ARHGAP22: variants seen among roughly 807,000 people sequenced by gnomAD.
ARHGAP22 encodes rho GTPase-activating protein 22.
ARHGAP22 carries 48 observed loss-of-function variants against 59.1 expected under a neutral mutation model. The ratio of observed to expected loss-of-function variants is 0.81; its 90% confidence interval spans 0.64 to 1.03. The LOEUF is 1.03. Among genes scored for constraint, ARHGAP22 ranks in the 50% least tolerant of loss-of-function variants. ARHGAP22 has a pLI of 0.00. For synonymous variants in ARHGAP22, 445 were observed against 416.4 expected (o/e 1.07, Z -0.84); for missense variants, 1,015 against 958.7 (o/e 1.06, Z -0.78).
intron 3 of ARHGAP22, among the ~76,000 whole-genome samples, chr10:48,513,386 T>G (rs2052986702): frequency 6.6e-6 from 1 of 152,234 alleles, no homozygotes; most frequent in Non-Finnish European, 1.5e-5. Flanking sequence ...CATCTCTGGC[T>G]GATTTTGAGT....
chr10:48,438,742 CAGTA>C, the ARHGAP22 span: 1 of 152,130 alleles, frequency 6.6e-6, no homozygotes, highest in Non-Finnish European at 1.5e-5. Context: ...GACACAATAC[CAGTA>C]AGTATGTAAA....
intron 2 of ARHGAP22, among the ~76,000 whole-genome samples, chr10:48,570,903 G>A (rs2058355668): frequency 6.6e-6 from 1 of 152,220 alleles, no homozygotes; most frequent in Non-Finnish European, 1.5e-5. Flanking sequence ...TGCCAGGGGT[G>A]CCCACAGTGG....
intron 2 of ARHGAP22, among the ~76,000 whole-genome samples, chr10:48,562,152 G>A (rs1289706846): frequency 6.6e-6 from 1 of 151,880 alleles, no homozygotes; most frequent in Non-Finnish European, 1.5e-5. Context: ...CTGGAACCCG[G>A]GAGGCAGAGG....
intron 3 of ARHGAP22, among the ~76,000 whole-genome samples, chr10:48,495,872 G>C (rs1281996298): frequency 1.3e-5 from 2 of 152,204 alleles, no homozygotes; most frequent in African/African-American, 4.8e-5. Flanking sequence ...GGCCCACGTG[G>C]TGAGAAACTG....
chr10:48,486,806 T>C (rs1319467344), intron 3 of ARHGAP22, among the ~76,000 whole-genome samples: 1 of 152,238 alleles, frequency 6.6e-6, no homozygotes, highest in African/African-American at 2.4e-5. Flanking sequence ...TTCTTTCAGC[T>C]ATTGAGTGTG....
chr10:48,595,532 A>T (rs1314227708), intron 1 of ARHGAP22, among the ~76,000 whole-genome samples: 1 of 150,966 alleles, frequency 6.6e-6, no homozygotes, highest in Non-Finnish European at 1.5e-5. Context: ...TTATTTGTTT[A>T]TTTTTTTTTG....
rs544040732 is a variant in ARHGAP22, at chr10:48,648,030, G to A, written c.52+4204C>T. Among the ~76,000 whole-genome samples the A allele has an allele frequency of 1.9e-3, 297 of 152,338 alleles. 3 individuals are homozygous for A. Among genetic ancestry groups the A allele is most frequent in the Non-Finnish European group, 1.2e-3 (79 of 68,032 alleles). ...AGCAGATCAATGGTTTCCTTAGGTTGGGGTTGGGAGGAAGGGTTAGTTGCA... is the reference window on the plus strand; with the variant it reads ...AGCAGATCAATGGTTTCCTTAGGTTAGGGTTGGGAGGAAGGGTTAGTTGCA... On this transcript the variant is annotated intron_variant, in intron 1 of 9. Transcript: ENST00000435790.
At chr10:48,643,642 T>C (rs915074886) in intron 1 of ARHGAP22, among the ~76,000 whole-genome samples, 1 of 151,390 alleles carries the variant, frequency 6.6e-6, no homozygotes, top group African/African-American at 2.4e-5. Flanking sequence ...TTAGGAGATA[T>C]ACCTAATGTA....
At position 48,577,801 on chromosome 10, in the gene ARHGAP22, G is replaced by GTTTTTTTTTTTTTTTTTTTTTTTTTTTTT. The variant is rs34557935; in HGVS notation, c.234+5151_234+5152insAAAAAAAAAAAAAAAAAAAAAAAAAAAAA. Among the ~76,000 whole-genome samples, 3 of 59,162 alleles carry GTTTTTTTTTTTTTTTTTTTTTTTTTTTTT rather than the reference G, an allele frequency of 5.1e-5. 1 individual carries two copies. The highest frequency in any genetic ancestry group is 5.8e-4 in the Admixed American group (2 of 3,442). 38.8% of individuals were successfully genotyped at this position (59,162 alleles called of 152,430 possible). ...TCTGAGATCTAACTGCTCTTTTTTG[G>GTTTTTTTTTTTTTTTTTTTTTTTTTTTTT]TTTTTTTTTTTTTTTTTTTTTTTTT... On this transcript the variant is annotated intron_variant, in intron 2 of 9. Transcript: ENST00000249601.
intron 4 of ARHGAP22, among the ~76,000 whole-genome samples, chr10:48,472,849 G>T (rs2048357855): frequency 6.6e-6 from 1 of 152,074 alleles, no homozygotes; most frequent in Non-Finnish European, 1.5e-5. Context: ...GAAAACAAGT[G>T]CTGGTGAGGA....
chr10:48,572,257 T>C (rs1005483375), intron 2 of ARHGAP22, among the ~76,000 whole-genome samples: 1 of 152,252 alleles, frequency 6.6e-6, no homozygotes, highest in Non-Finnish European at 1.5e-5. Context: ...CACAGGTTTT[T>C]CTTTTTCTCT....
chr10:48,455,917 C>A (rs1194468645), intron 5 of ARHGAP22, among the ~76,000 whole-genome samples: 2 of 152,206 alleles, frequency 1.3e-5, no homozygotes, highest in Non-Finnish European at 2.9e-5. Context: ...AAGCTCATCA[C>A]CCCCTCTCCA....
intron 7 of ARHGAP22, 28 bp from the exon 8 acceptor site, chr10:48,453,453 AAAG>A: frequency 6.2e-7 from 1 of 1,612,344 alleles, no homozygotes; most frequent in Non-Finnish European, 8.5e-7. Context: ...AGCAGTCATC[AAAG>A]AAGCAAGTTG....
At chr10:48,458,451 C>A (rs2046795980) in intron 5 of ARHGAP22, among the ~76,000 whole-genome samples, 1 of 152,106 alleles carries the variant, frequency 6.6e-6, no homozygotes, top group African/African-American at 2.4e-5. Context: ...GGAGACCCCC[C>A]CAGCAGGATG....
chr10:48,539,191 ATAT>A (rs2055666453), intron 3 of ARHGAP22, among the ~76,000 whole-genome samples: 1 of 152,128 alleles, frequency 6.6e-6, no homozygotes, highest in Admixed American at 6.5e-5. Flanking sequence ...TTCATTCCAA[ATAT>A]TATTAGAAGT....
chr10:48,455,137 G>A lies in ARHGAP22; in HGVS notation c.660-3C>T, dbSNP rs750290756. The A allele has an allele frequency of 2.5e-6, 4 of 1,605,350 alleles. No individual in the cohort carries two copies. The South Asian group carries it at 3.3e-5, about 13-fold the overall frequency. On this transcript the variant is annotated splice_region_variant and splice_polypyrimidine_tract_variant and intron_variant, in intron 5 of 9. Coordinates refer to ENST00000249601, the MANE Select transcript of ARHGAP22 (RefSeq NM_021226.4). ...CCACCGTGTGCACGTCTGTTGTGCT[G>A]TGGGGGGGAAGAGGACAGGTGTGTG...
In ARHGAP22 at chr10:48,446,908, G is replaced by A. The variant is rs1428210199; in HGVS notation, c.1869-289C>T. ...GGTCCGCATTTGCCCCTCCAGTGCA[G>A]TATGGGATCCCTGCCAGCTGGTAGG... On this transcript the variant is annotated intron_variant, in intron 9 of 9. Transcript: ENST00000249601. Among the ~76,000 whole-genome samples, 3 of 152,318 alleles carry A rather than the reference G, an allele frequency of 2.0e-5. No individual in the cohort carries two copies. In the Middle Eastern group the frequency reaches 0.01, roughly 522 times the overall value.
intron 4 of ARHGAP22, among the ~76,000 whole-genome samples, chr10:48,477,613 T>C (rs1450695858): frequency 6.6e-6 from 1 of 152,266 alleles, no homozygotes; most frequent in Non-Finnish European, 1.5e-5. Flanking sequence ...CAAGTTTCTA[T>C]AGCTTTCTAT....
Position 48,459,758 on chromosome 10 carries a change from G to T in ARHGAP22, c.585C>A (p.Arg195=), listed in dbSNP as rs1460575045. The T allele has an allele frequency of 1.2e-6, 2 of 1,613,940 alleles. No individual in the cohort carries two copies. Among genetic ancestry groups the T allele is most frequent in the African/African-American group, 2.7e-5 (2 of 74,962 alleles). Reference sequence around the variant, plus strand: ...TCACCAGGTTGGCCTGGCCTGGCATGCGGAACAGCCCCTCCTCAGTGAGCC... The same window carrying T: ...TCACCAGGTTGGCCTGGCCTGGCATTCGGAACAGCCCCTCCTCAGTGAGCC... ...ERGLTEEGLF[R]MPGQANLVRD... The change falls in exon 5 of 10, where the codon CGC becomes CGA. Residue 195 remains arginine, a synonymous_variant. Transcript: ENST00000249601.
Sources: gnomAD v4.1 joint callset for allele counts (sites outside exome capture counted in the v4.1 genomes callset) on GRCh38, gnomAD v4.1.1 for gene constraint, MANE v1.5 for transcripts, NCBI Gene and HGNC (gene_info 2026-07-23, HGNC 2026-07-21) for gene names.